The following SPTB variants were observed in gnomAD, a reference collection of about 807,000 sequenced individuals.
SPTB encodes spectrin beta, erythrocytic.
SPTB carries 45 observed loss-of-function variants against 256.2 expected under a neutral mutation model. The observed-to-expected ratio is 0.18, with a 90% CI of 0.14 to 0.23. The LOEUF (loss-of-function observed/expected upper bound fraction) is 0.23. Among genes scored for constraint, SPTB ranks in the 10% least tolerant of loss-of-function variants. The pLI, the probability that SPTB is intolerant of heterozygous loss-of-function variation, is 1.00. For synonymous variants in SPTB, 1,231 were observed against 1,243.1 expected, an observed-to-expected ratio of 0.99 and a Z score of 0.21; for missense variants, 2,715 against 3,040.4, an observed-to-expected ratio of 0.89 and a Z score of 2.52.
chr14:64,855,301 A>G (rs368818), intron 1 of SPTB, among the ~76,000 whole-genome samples: 142,817 of 152,286 alleles, frequency 0.94, 67,587 homozygotes, highest in Non-Finnish European at 0.98. Context: ...GGGTGGATCA[A>G]CAGAGGACAC....
At position 64,795,694 on chromosome 14, in the gene SPTB, C is replaced by T. The variant is rs2082756184; in HGVS notation, c.1342-55G>A. On this transcript the variant is annotated intron_variant, in intron 11 of 35. Coordinates refer to ENST00000644917, the MANE Select transcript of SPTB (RefSeq NM_001355436.2). The surrounding 1 kb of genome is among the most constrained non-coding windows in gnomAD (Gnocchi z 6.5). The stretch of plus-strand genomic sequence containing the variant: ...CAGTCAGACACCCAGGGGCTCATCC[C>T]CAAACTCAGGGACAGGGCAGCTCCC... The T allele has an allele frequency of 1.3e-6, 2 of 1,590,454 alleles. No individual in the cohort carries two copies. The highest frequency in any genetic ancestry group is 3.3e-5 in the Admixed American group (2 of 59,792).
chr14:64,805,571 T>C (rs1246727684), intron 2 of SPTB, among the ~76,000 whole-genome samples: 2 of 152,198 alleles, frequency 1.3e-5, no homozygotes, highest in Non-Finnish European at 2.9e-5. Context: ...TCATGTGCCC[T>C]GCTCCCTGCA....
rs900815174 is a variant in SPTB at position 64,866,261 on chromosome 14, C to T, written c.-52+13531G>A. On this transcript the variant is annotated intron_variant, in intron 1 of 35. Coordinates refer to ENST00000644917, the MANE Select transcript of SPTB (RefSeq NM_001355436.2). This position sits in a 1 kb window ranked among gnomAD's most constrained non-coding sequence, Gnocchi z 4.6. ...AGCTGCTAGTTGTTTATCCTACCCT[C>T]ACTGTCAGCTCTCCATCGAGTTTGC... Among the ~76,000 whole-genome samples, 11 of 152,188 alleles carry T rather than the reference C, an allele frequency of 7.2e-5. No homozygotes were observed. The highest frequency in any genetic ancestry group is 2.7e-4 in the African/African-American group (11 of 41,444).
chr14:64,756,082 A>G (rs2082013192), intron 32 of SPTB: 1 of 152,262 alleles, frequency 6.6e-6, no homozygotes, highest in Admixed American at 6.5e-5. Context: ...GACTTGAGAC[A>G]GAGGCAGGAA....
rs1025684516 is a variant in SPTB at position 64,802,680 on chromosome 14, A to C, written c.475-363T>G. 1.3e-5 allele frequency among the ~76,000 whole-genome samples: 2 copies of C among 152,178 alleles called. No homozygotes were observed. Among genetic ancestry groups the C allele is most frequent in the African/African-American group, 4.8e-5 (2 of 41,432 alleles). ...AGCGCTGTGCTAGGCCTGAGGACACACAGAGGTAAAACAAATTTCTTGCCC... is the reference window on the plus strand; with the variant it reads ...AGCGCTGTGCTAGGCCTGAGGACACCCAGAGGTAAAACAAATTTCTTGCCC... On this transcript the variant is annotated intron_variant, in intron 4 of 35. Transcript: ENST00000644917. This position sits in a 1 kb window ranked among gnomAD's most constrained non-coding sequence, Gnocchi z 5.1.
rs1306622479 is a variant in SPTB, at chr14:64,854,569, C to T, written c.-52+25223G>A. Reference sequence around the variant, plus strand: ...CTGGGATTACAGGTGTGAGCCACCGCGCCCGGCCAGTTTTCCGGAATCTTG... The same window carrying T: ...CTGGGATTACAGGTGTGAGCCACCGTGCCCGGCCAGTTTTCCGGAATCTTG... On this transcript the variant is annotated intron_variant, in intron 1 of 35. Transcript: ENST00000644917. 3.9e-5 allele frequency among the ~76,000 whole-genome samples: 6 copies of T among 152,174 alleles called. 1 individual carries two copies. Among genetic ancestry groups the T allele is most frequent in the South Asian group, 2.1e-4 (1 of 4,822 alleles).
At chr14:64,756,213 T>C (rs1032029360) in intron 32 of SPTB, 1 of 152,232 alleles carries the variant, frequency 6.6e-6, no homozygotes, top group African/African-American at 2.4e-5. Flanking sequence ...GCTACCTCAC[T>C]CTTGCTGTGA....
At chr14:64,829,513 A>G (rs2139721306) in intron 1 of SPTB, among the ~76,000 whole-genome samples, 1 of 152,302 alleles carries the variant, frequency 6.6e-6, no homozygotes, top group East Asian at 1.9e-4. Context: ...GTTAGATGTG[A>G]TCATGGCATT....
chr14:64,800,253 T>C (rs1417352677), intron 8 of SPTB, among the ~76,000 whole-genome samples: 4 of 152,256 alleles, frequency 2.6e-5, no homozygotes, highest in Non-Finnish European at 5.9e-5. Context: ...GCCAGGGTTT[T>C]GTTTATTTTT....
intron 18 of SPTB, 94 bp from the exon 19 acceptor site, chr14:64,784,487 C>G: frequency 1.3e-6 from 2 of 1,524,472 alleles, no homozygotes; most frequent in Non-Finnish European, 1.8e-6. Flanking sequence ...AGGAGAAGGC[C>G]ATGGGGAGGA....
chr14:64,820,507 C>A (rs1285796675), intron 2 of SPTB, among the ~76,000 whole-genome samples: 2 of 152,190 alleles, frequency 1.3e-5, no homozygotes, highest in Non-Finnish European at 2.9e-5. Context: ...ACTTGTTGGC[C>A]AGATGTTCTG....
intron 2 of SPTB, among the ~76,000 whole-genome samples, chr14:64,805,905 G>A (rs1043648485): frequency 5.9e-5 from 9 of 152,132 alleles, no homozygotes; most frequent in Non-Finnish European, 8.8e-5. Flanking sequence ...GGCTGTCTGC[G>A]GCTTTACGCT....
chr14:64,818,313 C>G (rs1392888675), intron 2 of SPTB, among the ~76,000 whole-genome samples: 1 of 152,234 alleles, frequency 6.6e-6, no homozygotes, highest in Admixed American at 6.5e-5. Flanking sequence ...CTGCGAGATG[C>G]CTCTGTGAGC....
At chr14:64,832,720 G>A (rs570948498) in intron 1 of SPTB, among the ~76,000 whole-genome samples, 6 of 152,018 alleles carry the variant, frequency 3.9e-5, no homozygotes, top group South Asian at 2.1e-4. Flanking sequence ...ACATCCCAGC[G>A]GCCCAAACCA....
At chr14:64,822,022 G>GA (rs920050809) in intron 2 of SPTB, among the ~76,000 whole-genome samples, 8 of 151,984 alleles carry the variant, frequency 5.3e-5, no homozygotes, top group African/African-American at 1.9e-4. Context: ...AATCACTCCA[G>GA]AAAGTGTTTA....
intron 4 of SPTB, 145 bp downstream of exon 4, chr14:64,803,462 C>T (rs1444688856): frequency 3.0e-6 from 3 of 1,013,166 alleles, no homozygotes; most frequent in Non-Finnish European, 4.5e-6. Flanking sequence ...TTACTCCTTC[C>T]TACAAGCACT....
intron 2 of SPTB, among the ~76,000 whole-genome samples, chr14:64,817,183 C>T (rs145528969): frequency 2.8e-4 from 40 of 144,364 alleles, no homozygotes; most frequent in African/African-American, 6.9e-4. Context: ...AAACCTGCCC[C>T]GGGCCACACA....
At chr14:64,808,287 T>C (rs2083023280) in intron 2 of SPTB, among the ~76,000 whole-genome samples, 1 of 152,158 alleles carries the variant, frequency 6.6e-6, no homozygotes, top group African/African-American at 2.4e-5. Flanking sequence ...GCTGGGATTA[T>C]AGGCATGAGC....
intron 15 of SPTB, among the ~76,000 whole-genome samples, chr14:64,789,148 C>T (rs2139577252): frequency 6.6e-6 from 1 of 152,090 alleles, no homozygotes; most frequent in Non-Finnish European, 1.5e-5. Flanking sequence ...CCCAGGAGTT[C>T]AAGACCAGCC....
Sources: gnomAD v4.1 joint callset for allele counts (sites outside exome capture counted in the v4.1 genomes callset) on GRCh38, gnomAD v4.1.1 for gene constraint, Gnocchi (gnomAD v3.1) non-coding constraint, MANE v1.5 for transcripts, NCBI Gene and HGNC (gene_info 2026-07-23, HGNC 2026-07-21) for gene names.